Variants in SUGCT observed in about 807,000 individuals in gnomAD.
SUGCT encodes succinyl-CoA:glutarate CoA-transferase.
A neutral mutation model predicts 55.0 loss-of-function variants in SUGCT; 41 were observed. The ratio of observed to expected loss-of-function variants is 0.74; its 90% CI spans 0.58 to 0.97. The LOEUF (loss-of-function observed/expected upper bound fraction) is 0.97, where lower values mean the gene tolerates loss of function less well. Among genes scored for constraint, SUGCT ranks in the 50% least tolerant of loss-of-function variants. SUGCT has a pLI of 0.00. For synonymous variants in SUGCT, 187 were observed against 200.4 expected (o/e 0.93, Z 0.56); for missense variants, 568 against 547.8 (o/e 1.04, Z -0.37).
chr7:40,624,936 C>T (rs1296299320), intron 12 of SUGCT, among the ~76,000 whole-genome samples: 1 of 152,104 alleles, frequency 6.6e-6, no homozygotes, highest in African/African-American at 2.4e-5. Context: ...AAATGACTGC[C>T]TGCTACAACC....
intron 13 of SUGCT, among the ~76,000 whole-genome samples, chr7:40,753,416 G>A (rs1233914044): frequency 1.3e-5 from 2 of 152,144 alleles, no homozygotes; most frequent in Admixed American, 6.5e-5. Flanking sequence ...GACACATTTT[G>A]AATTTGCTAG....
intron 8 of SUGCT, among the ~76,000 whole-genome samples, chr7:40,293,824 CTG>C (rs1419937842): frequency 2.0e-5 from 3 of 152,196 alleles, no homozygotes; most frequent in Admixed American, 6.5e-5. Flanking sequence ...TTAATCAAAA[CTG>C]AAGTTGTAAT....
chr7:40,843,268 T>C (rs1263631421), intron 13 of SUGCT, among the ~76,000 whole-genome samples: 1 of 151,976 alleles, frequency 6.6e-6, no homozygotes. Flanking sequence ...TCTCAGCTCT[T>C]TGGGAGGCCG....
At chr7:41,017,567 G>A in the SUGCT span, among the ~76,000 whole-genome samples, 2 of 151,964 alleles carry the variant, frequency 1.3e-5, no homozygotes, top group African/African-American at 2.4e-5. Context: ...TCAGGAGATC[G>A]AGACCATCCT....
intron 11 of SUGCT, among the ~76,000 whole-genome samples, chr7:40,461,284 T>C (rs1055037049): frequency 6.6e-6 from 1 of 152,182 alleles, no homozygotes; most frequent in Non-Finnish European, 1.5e-5. Context: ...ATGATGTGTG[T>C]TTTTCCAGTA....
chr7:40,225,126 C>T (rs992182928), intron 6 of SUGCT, among the ~76,000 whole-genome samples: 4 of 152,136 alleles, frequency 2.6e-5, no homozygotes, highest in Non-Finnish European at 2.9e-5. Context: ...TATTAGCGTT[C>T]CCAAGTTGGA....
At chr7:40,669,584 A>G (rs997697847) in intron 12 of SUGCT, among the ~76,000 whole-genome samples, 1 of 151,656 alleles carries the variant, frequency 6.6e-6, no homozygotes, top group African/African-American at 2.4e-5. Flanking sequence ...GAAGATCTAA[A>G]AAAGAATCAA....
At chr7:41,013,305 C>T in the SUGCT span, among the ~76,000 whole-genome samples, 1 of 152,166 alleles carries the variant, frequency 6.6e-6, no homozygotes, top group Non-Finnish European at 1.5e-5. Context: ...CCGCGTTCTT[C>T]TTAGTACATC....
At chr7:40,692,127 G>A (rs1784728225) in intron 12 of SUGCT, among the ~76,000 whole-genome samples, 1 of 152,112 alleles carries the variant, frequency 6.6e-6, no homozygotes, top group Non-Finnish European at 1.5e-5. Flanking sequence ...CCTATTCTGT[G>A]TCTGTTATGT....
intron 12 of SUGCT, among the ~76,000 whole-genome samples, chr7:40,677,627 C>T (rs6957725): frequency 0.45 from 68,847 of 152,038 alleles, 19,409 homozygotes; most frequent in African/African-American, 0.81. Flanking sequence ...TTATGTCTCA[C>T]TGGTCAGAAC....
chr7:40,844,608 G>A (rs1239850350), intron 13 of SUGCT, among the ~76,000 whole-genome samples: 1 of 152,174 alleles, frequency 6.6e-6, no homozygotes, highest in Admixed American at 6.5e-5. Flanking sequence ...TTGGGGGCAG[G>A]GTGGGCCAGG....
intron 12 of SUGCT, among the ~76,000 whole-genome samples, chr7:40,557,236 A>G (rs1225931958): frequency 6.6e-6 from 1 of 152,230 alleles, no homozygotes; most frequent in African/African-American, 2.4e-5. Context: ...AGACTATTCA[A>G]TGAGGAAAGG....
intron 8 of SUGCT, among the ~76,000 whole-genome samples, chr7:40,291,332 A>T (rs1362306767): frequency 6.6e-6 from 1 of 151,548 alleles, no homozygotes; most frequent in Admixed American, 6.6e-5. Flanking sequence ...GCCATAAAAA[A>T]TGATGAGTTC....
the SUGCT span, among the ~76,000 whole-genome samples, chr7:41,006,672 A>G: frequency 6.6e-6 from 1 of 152,138 alleles, no homozygotes; most frequent in Non-Finnish European, 1.5e-5. Context: ...GTGGTCATTG[A>G]TTTCCAGGCT....
intron 12 of SUGCT, among the ~76,000 whole-genome samples, chr7:40,717,694 T>C (rs1786096067): frequency 6.6e-6 from 1 of 152,228 alleles, no homozygotes; most frequent in Admixed American, 6.5e-5. Flanking sequence ...AATTATAGCA[T>C]ATCTATGTCA....
chr7:40,240,866 A>G (rs1789335643), intron 7 of SUGCT, among the ~76,000 whole-genome samples: 1 of 152,152 alleles, frequency 6.6e-6, no homozygotes. Flanking sequence ...CTCTGAGGGC[A>G]TATATTTAGG....
intron 12 of SUGCT, among the ~76,000 whole-genome samples, chr7:40,712,498 G>A (rs1044224023): frequency 7.9e-5 from 12 of 152,226 alleles, no homozygotes; most frequent in South Asian, 4.1e-4. Flanking sequence ...AATGCAGTAT[G>A]GAAGGAAAAC....
chr7:40,467,801 T>C (rs947474324), intron 11 of SUGCT, among the ~76,000 whole-genome samples: 1 of 152,174 alleles, frequency 6.6e-6, no homozygotes, highest in Non-Finnish European at 1.5e-5. Flanking sequence ...AATTTACTTC[T>C]ACCAAAAGCA....
intron 9 of SUGCT, among the ~76,000 whole-genome samples, chr7:40,383,545 T>C (rs1353794481): frequency 1.3e-5 from 2 of 152,212 alleles, no homozygotes; most frequent in Non-Finnish European, 2.9e-5. Flanking sequence ...GTAAATGATA[T>C]GTGGCATTTG....
Sources: gnomAD v4.1 joint callset for allele counts (sites outside exome capture counted in the v4.1 genomes callset) on GRCh38, gnomAD v4.1.1 for gene constraint, MANE v1.5 for transcripts, NCBI Gene and HGNC (gene_info 2026-07-23, HGNC 2026-07-21) for gene names.